The following POLE variants were observed in gnomAD, a reference collection of about 807,000 sequenced individuals.
POLE encodes the protein DNA polymerase epsilon, catalytic subunit.
In POLE, 188 loss-of-function variants were observed where a neutral mutation model predicts 279.2. That is an observed-to-expected ratio of 0.67 (90% CI 0.60 to 0.76). The LOEUF (loss-of-function observed/expected upper bound fraction) is 0.76, where lower values mean the gene tolerates loss of function less well. Ranked by LOEUF, POLE falls within the 30% of genes least tolerant of loss-of-function variation. The probability of loss-of-function intolerance (pLI) is 0.00; values close to 1 mark genes in which losing one functional copy is unlikely to be tolerated. For synonymous variants in POLE, 1,214 were observed against 1,172.5 expected (o/e 1.04, Z -0.72); for missense variants, 2,703 against 3,016.7 (o/e 0.90, Z 2.44).
intron 46 of POLE, 117 bp from the exon 47 acceptor site, chr12:132,625,887 T>G: frequency 7.3e-7 from 1 of 1,377,206 alleles, no homozygotes; most frequent in Non-Finnish European, 9.9e-7. Context: ...GCGAGTCTCC[T>G]GAGTGCAGCT....
chr12:132,676,236 C>G (rs1288521637), intron 9 of POLE, 32 bp from the exon 10 acceptor site: 2 of 1,475,954 alleles, frequency 1.4e-6, no homozygotes, highest in Non-Finnish European at 1.9e-6. Flanking sequence ...CAGCACAAGT[C>G]AGAGGCTGCA....
Position 132,659,283 on chromosome 12 carries a change from G to A in POLE, c.3275+12C>T, listed in dbSNP as rs199642934. 6.2e-7 allele frequency: 1 copy of A among 1,611,686 alleles called. No homozygotes were observed. The highest frequency in any genetic ancestry group is 1.3e-5 in the African/African-American group (1 of 74,836). ...GGAGCCCTCACCTCTCCGTGATGGG[G>A]GGAGCCCTCACCTCTCCGTGACAGG... On this transcript the variant is annotated intron_variant, in intron 26 of 48. Coordinates refer to ENST00000320574, the MANE Select transcript of POLE (RefSeq NM_006231.4).
intron 1 of POLE, among the ~76,000 whole-genome samples, chr12:132,686,223 C>G (rs1050317170): frequency 6.6e-6 from 1 of 151,958 alleles, no homozygotes; most frequent in South Asian, 2.1e-4. Context: ...GTCATGTTTA[C>G]CGTTTGCTCT....
Position 132,661,800 on chromosome 12 carries a change from T to C in POLE, c.2707-116A>G, listed in dbSNP as rs973587764. On this transcript the variant is annotated intron_variant, in intron 23 of 48. Transcript: ENST00000320574. The surrounding 1 kb of genome is among the most constrained non-coding windows in gnomAD (Gnocchi z 4.1). The stretch of plus-strand genomic sequence containing the variant: ...ACAAACCGAGGCTTTTCCACATAAC[T>C]AACACGACTTGGCAGCAGGAAGGAA... The C allele has an allele frequency of 4.0e-5, 40 of 990,146 alleles. No homozygotes were observed. Among genetic ancestry groups the C allele is most frequent in the Non-Finnish European group, 5.6e-5 (37 of 665,810 alleles). 61.3% of individuals were successfully genotyped at this position (990,146 alleles called of 1,614,324 possible). A position where few individuals can be genotyped will look rare whatever the true frequency, so the allele number is the denominator to read the frequency against.
intron 8 of POLE, 54 bp from the exon 9 acceptor site, chr12:132,676,707 C>T: frequency 2.8e-6 from 3 of 1,072,374 alleles, no homozygotes; most frequent in Middle Eastern, 2.2e-4. Flanking sequence ...ATTAGGCCTC[C>T]CTGAACACCC....
At chr12:132,673,065 C>G in intron 14 of POLE, 99 bp downstream of exon 14, 1 of 875,934 alleles carries the variant, frequency 1.1e-6, no homozygotes, top group Non-Finnish European at 1.9e-6. Context: ...CCTCTGGTGC[C>G]AGCACTCCTG....
At chr12:132,644,686 G>T (rs2042235128) in intron 32 of POLE, among the ~76,000 whole-genome samples, 2 of 151,332 alleles carry the variant, frequency 1.3e-5, no homozygotes, top group East Asian at 2.0e-4. Context: ...GTCCTGGGGG[G>T]CTCTGGGAGA....
chr12:132,659,196 TGTGATGAGGGGAGCCCTCACCTCTCC>T (rs2042620903), intron 26 of POLE, 73 bp downstream of exon 26: 2 of 1,232,220 alleles, frequency 1.6e-6, no homozygotes, highest in Admixed American at 2.1e-5. Flanking sequence ...CTCACCTCTC[TGTGATGAGGGGAGCCCTCACCTCTCC>T]GTGACGGAGG....
rs753809068 is a variant in POLE, at chr12:132,660,984, G to A, written c.3045C>T (p.Asp1015=). Residue 1015 remains aspartate (D), a synonymous_variant, in exon 25 of 49, where the codon GAC becomes GAT. Transcript: ENST00000320574. ...AGGCCTTTACCTTGCTGTACAGCAC[G>A]TCCAGCCAGTAGTCAGCCACCTTGG... ...SVAKVADYWL[D]VLYSKAANMP... 10 of 1,611,710 alleles carry A rather than the reference G, an allele frequency of 6.2e-6. No individual in the cohort carries two copies. The highest frequency in any genetic ancestry group is 1.7e-4 in the Middle Eastern group (1 of 6,058).
chr12:132,657,387 TGGCG>T lies in POLE; in HGVS notation c.3417_3420del (p.Ser1139ArgfsTer15). 6 of 1,614,118 alleles carry T rather than the reference TGGCG, an allele frequency of 3.7e-6. No individual in the cohort carries two copies. The highest frequency in any genetic ancestry group is 5.1e-6 in the Non-Finnish European group (6 of 1,180,018). On this transcript the variant is annotated frameshift_variant, in exon 28 of 49. Coordinates refer to ENST00000320574, the MANE Select transcript of POLE (RefSeq NM_006231.4). LOFTEE classifies it high-confidence loss of function. ...GCAGGGATGGTGATGATCTTCTGGATGGCGCTTCCCAGCCGCTCAATGTAGTAGT... is the reference window on the plus strand; with the variant it reads ...GCAGGGATGGTGATGATCTTCTGGATCTTCCCAGCCGCTCAATGTAGTAGT...
chr12:132,676,678 G>C (rs772760026), intron 8 of POLE, 25 bp from the exon 9 acceptor site: 12 of 1,494,762 alleles, frequency 8.0e-6, no homozygotes, highest in Non-Finnish European at 7.5e-6. Context: ...TAAGCATAAA[G>C]CCAAGCTCTA....
rs1026839284 is a variant in POLE at position 132,657,934 on chromosome 12, C to G, written c.3312G>C (p.Thr1104=). 6.2e-7 allele frequency: 1 copy of G among 1,614,034 alleles called. No homozygotes were observed. The highest frequency in any genetic ancestry group is 8.5e-7 in the Non-Finnish European group (1 of 1,179,902). The change falls in exon 27 of 49, where the codon ACG becomes ACC. Residue 1104 remains threonine, a synonymous_variant. Transcript: ENST00000320574. The part of the protein sequence containing the change: ...IPLAIFQAEP[T]VRKHFLRKWL... ...ATTTCCGGAGAAAGTGCTTCCTCAC[C>G]GTGGGCTCTGCTTGGAAAATGGCAA...
intron 45 of POLE, among the ~76,000 whole-genome samples, chr12:132,628,913 T>C (rs537780818): frequency 6.6e-6 from 1 of 152,354 alleles, no homozygotes; most frequent in Non-Finnish European, 1.5e-5. Flanking sequence ...TGTTGATATT[T>C]TGACCCCTTC....
At chr12:132,652,284 C>G (rs1369661398) in intron 29 of POLE, among the ~76,000 whole-genome samples, 1 of 150,126 alleles carries the variant, frequency 6.7e-6, no homozygotes, top group Non-Finnish European at 1.5e-5. Context: ...ATCATAGTCT[C>G]CTGAGTTGTT....
chr12:132,644,886 T>A (rs5744920), intron 32 of POLE, among the ~76,000 whole-genome samples: 8 of 18,564 alleles, frequency 4.3e-4, no homozygotes, highest in African/African-American at 1.0e-3. Context: ...CCTAGCTCCC[T>A]GTGTGGGGTC....
intron 39 of POLE, chr12:132,641,328 A>G (rs1004639769): frequency 2.3e-6 from 1 of 427,428 alleles, no homozygotes; most frequent in Non-Finnish European, 4.4e-6. Flanking sequence ...CATCATACTC[A>G]GTAGAGCTGG....
rs1393355515 is a variant in POLE, at chr12:132,626,317, C to T, written c.6331G>A (p.Val2111Met). Residue 2111 changes from valine to methionine, a missense_variant and splice_region_variant, in exon 46 of 49, where the codon GTG becomes ATG. Coordinates refer to ENST00000320574, the MANE Select transcript of POLE (RefSeq NM_006231.4). ...GTGATGTTGGTGTCCAGGGACAGCA[C>T]CTGCAGAGACCACAGCCCACATCGG... Reference protein sequence around the residue: ...ALEFIKYVCKVLSLDTNITNQ... With the variant: ...ALEFIKYVCKMLSLDTNITNQ... 6.2e-7 allele frequency: 1 copy of T among 1,613,398 alleles called. No individual in the cohort carries two copies. The highest frequency in any genetic ancestry group is 8.5e-7 in the Non-Finnish European group (1 of 1,179,920).
At position 132,642,394 on chromosome 12, in the gene POLE, G is replaced by A. The variant is rs1468753963; in HGVS notation, c.4956C>T (p.Tyr1652=). The change falls in exon 38 of 49, where the codon TAC becomes TAT. Residue 1652 remains tyrosine, a synonymous_variant. Coordinates refer to ENST00000320574, the MANE Select transcript of POLE (RefSeq NM_006231.4). Reference sequence around the variant, plus strand: ...GTAGGTTCCCAATGGGAATGTGAAAGTACCTGCACCAGGGCACAGGTCAGC... The same window carrying A: ...GTAGGTTCCCAATGGGAATGTGAAAATACCTGCACCAGGGCACAGGTCAGC... The part of the protein sequence containing the change: ...CLSQAFEMSR[Y]FHIPIGNLPE... 2 of 1,578,582 alleles carry A rather than the reference G, an allele frequency of 1.3e-6. No homozygotes were observed. Among genetic ancestry groups the A allele is most frequent in the South Asian group, 2.3e-5 (2 of 86,254 alleles).
Position 132,668,255 on chromosome 12 carries a change from C to T in POLE, c.2173+101G>A. 1 of 1,411,808 alleles carries T rather than the reference C, an allele frequency of 7.1e-7. No individual in the cohort carries two copies. The highest frequency in any genetic ancestry group is 9.4e-7 in the Non-Finnish European group (1 of 1,060,784). 87.5% of individuals were successfully genotyped at this position (1,411,808 alleles called of 1,614,324 possible). A position where few individuals can be genotyped will look rare whatever the true frequency, so the allele number is the denominator to read the frequency against. On this transcript the variant is annotated intron_variant, in intron 19 of 48. Coordinates refer to ENST00000320574, the MANE Select transcript of POLE (RefSeq NM_006231.4). This position sits in a 1 kb window ranked among gnomAD's most constrained non-coding sequence, Gnocchi z 4.0. ...AGCTTCTGGTCTGCTGTGACAACAC[C>T]TCTGGGGCCCCAGCTGGGATGGACC...
Sources: allele counts gnomAD v4.1 joint callset (sites outside exome capture counted in the v4.1 genomes callset), GRCh38; gene constraint gnomAD v4.1.1; non-coding constraint Gnocchi (gnomAD v3.1); transcripts MANE v1.5; gene names NCBI Gene and HGNC (gene_info 2026-07-23, HGNC 2026-07-21).